CAPN2: variants seen among roughly 807,000 people sequenced by gnomAD.
CAPN2 encodes calpain-2 catalytic subunit.
Under a neutral mutation model 102.3 loss-of-function variants are expected in CAPN2, and 92 were observed. That is an observed-to-expected ratio of 0.90 (90% CI 0.76 to 1.07). The LOEUF (loss-of-function observed/expected upper bound fraction) is 1.07, where lower values mean the gene tolerates loss of function less well. Ranked by LOEUF, CAPN2 falls within the 50% of genes least tolerant of loss-of-function variation. The pLI is 0.00. For synonymous variants in CAPN2, 340 were observed against 355.4 expected (o/e 0.96, Z 0.49); for missense variants, 800 against 909.4 (o/e 0.88, Z 1.55).
intron 18 of CAPN2, 31 bp from the exon 19 acceptor site, chr1:223,771,778 G>T (rs1206609766): frequency 7.7e-7 from 1 of 1,298,208 alleles, no homozygotes; most frequent in South Asian, 1.2e-5. Flanking sequence ...CTAATGCTTA[G>T]CAATGAGTTT....
intron 16 of CAPN2, among the ~76,000 whole-genome samples, chr1:223,766,904 G>A (rs936739908): frequency 2.6e-5 from 4 of 151,796 alleles, no homozygotes; most frequent in Admixed American, 6.6e-5. Context: ...AGGTTGCAGT[G>A]AGCTGAGATC....
At chr1:223,766,487 C>A in intron 16 of CAPN2, 56 bp downstream of exon 16, 1 of 1,325,650 alleles carries the variant, frequency 7.5e-7, no homozygotes, top group Non-Finnish European at 1.1e-6. Context: ...AATCTCACTC[C>A]AGAAAGATTC....
Position 223,725,962 on chromosome 1 carries a change from G to A in CAPN2, c.307+8131G>A, listed in dbSNP as rs1379473205. On this transcript the variant is annotated intron_variant, in intron 2 of 20. Coordinates refer to ENST00000295006, the MANE Select transcript of CAPN2 (RefSeq NM_001748.5). The surrounding 1 kb of genome is among the most constrained non-coding windows in gnomAD (Gnocchi z 4.1). ...AACTTTAAGACTATGTGACAGAAAGGTGCCACTGGAACCCAGGGCCTCGTG... is the reference window on the plus strand; with the variant it reads ...AACTTTAAGACTATGTGACAGAAAGATGCCACTGGAACCCAGGGCCTCGTG... Among the ~76,000 whole-genome samples, 2 of 152,066 alleles carry A rather than the reference G, an allele frequency of 1.3e-5. No individual in the cohort carries two copies. The highest frequency in any genetic ancestry group is 2.9e-5 in the Non-Finnish European group (2 of 68,028).
intron 2 of CAPN2, among the ~76,000 whole-genome samples, chr1:223,722,341 G>A (rs947432681): frequency 5.0e-5 from 6 of 120,330 alleles, no homozygotes; most frequent in African/African-American, 6.5e-5. Flanking sequence ...AGACTAAAGT[G>A]CAGTAACAAA....
rs57382658 is a variant in CAPN2 at position 223,730,010 on chromosome 1, C to CAAA, written c.307+12202_307+12204dup. Among the ~76,000 whole-genome samples the CAAA allele has an allele frequency of 2.5e-3, 199 of 79,052 alleles. 1 individual carries two copies. In the East Asian group the frequency reaches 0.038, roughly 15 times the overall value. The allele number at this position is 79,052 out of a possible 152,430, so 51.9% of individuals were successfully genotyped here. A position where few individuals can be genotyped will look rare whatever the true frequency, so the allele number is the denominator to read the frequency against. On this transcript the variant is annotated intron_variant, in intron 2 of 20. Coordinates refer to ENST00000295006, the MANE Select transcript of CAPN2 (RefSeq NM_001748.5). ...AGAGCAAGACTCGCTCCCAAAAAAC[C>CAAA]AAAAAAAAAAAAAAAAAAAAAAAAA...
At position 223,774,166 on chromosome 1, in the gene CAPN2, TC is replaced by T. The variant is rs566417998; in HGVS notation, c.2080-666del. On this transcript the variant is annotated intron_variant, in intron 20 of 20. Coordinates refer to ENST00000295006, the MANE Select transcript of CAPN2 (RefSeq NM_001748.5). ...TTCTACCCCAGCCACCCACCCCCAC[TC>T]CAGGGTCCACCTGGCCTGCCTGCTC... 3.7e-4 allele frequency among the ~76,000 whole-genome samples: 49 copies of T among 133,434 alleles called. 2 individuals carry two copies. The South Asian group carries it at 6.3e-3, about 17-fold the overall frequency. 87.5% of individuals were successfully genotyped at this position (133,434 alleles called of 152,430 possible).
chr1:223,749,031 G>C lies in CAPN2; in HGVS notation c.730-8G>C, dbSNP rs768202916. On this transcript the variant is annotated splice_polypyrimidine_tract_variant and splice_region_variant and intron_variant, in intron 5 of 20. Coordinates refer to ENST00000295006, the MANE Select transcript of CAPN2 (RefSeq NM_001748.5). ...GTGCGGCCAGTCTGACGGTTGCTGT[G>C]TTTGCAGATCACCAGCGCCGCGGAC... is the stretch of plus-strand genomic sequence containing the variant. The C allele has an allele frequency of 6.2e-7, 1 of 1,613,370 alleles. No homozygotes were observed. Among genetic ancestry groups the C allele is most frequent in the South Asian group, 1.1e-5 (1 of 91,056 alleles).
rs945729803 is a variant in CAPN2, at chr1:223,772,316, C to G, written c.2079+77C>G. ...CGGAAAGGGCTGTTACTTGAGTGAT[C>G]TGCTTTTTCAAGTTTTGCTTTAAAG... On this transcript the variant is annotated intron_variant, in intron 20 of 20. Transcript: ENST00000295006. 8.4e-6 allele frequency: 11 copies of G among 1,308,378 alleles called. No homozygotes were observed. In the East Asian group the frequency reaches 2.6e-4, roughly 30 times the overall value. The allele number at this position is 1,308,378 out of a possible 1,614,324, so 81.0% of individuals were successfully genotyped here. A position where few individuals can be genotyped will look rare whatever the true frequency, so the allele number is the denominator to read the frequency against.
At chr1:223,765,490 GCCT>G (rs1460703308) in intron 15 of CAPN2, among the ~76,000 whole-genome samples, 1 of 152,236 alleles carries the variant, frequency 6.6e-6, no homozygotes, top group Admixed American at 6.5e-5. Context: ...GGAGACTAAA[GCCT>G]CATTGTTTCT....
In CAPN2 at chr1:223,712,661, G is replaced by C. The variant is rs776928489; in HGVS notation, c.21G>C (p.Lys7Asn). 6 of 1,538,662 alleles carry C rather than the reference G, an allele frequency of 3.9e-6. No homozygotes were observed. The African/African-American group carries it at 8.4e-5, about 22-fold the overall frequency. Residue 7 changes from lysine to asparagine, a missense_variant, in exon 1 of 21, where the codon AAG (lysine) becomes AAC (asparagine). Transcript: ENST00000295006. MAGIAAKLAKDREAAEG... is the reference protein window; with the variant it reads MAGIAANLAKDREAAEG... ...GCAGCATGGCGGGCATCGCGGCCAA[G>C]CTGGCGAAGGACCGGGAGGCGGCCG...
intron 17 of CAPN2, chr1:223,770,213 A>G (rs1434152917): frequency 1.7e-6 from 1 of 588,706 alleles, no homozygotes; most frequent in Non-Finnish European, 3.0e-6. Context: ...ATAAGACAAG[A>G]ACATGGACCT....
chr1:223,740,968 T>C (rs879659773), intron 2 of CAPN2, among the ~76,000 whole-genome samples: 2 of 152,202 alleles, frequency 1.3e-5, no homozygotes, highest in African/African-American at 2.4e-5. Context: ...AGCCACTAAT[T>C]AGCTAGGAGC....
At chr1:223,713,978 T>A (rs1659807503) in intron 1 of CAPN2, among the ~76,000 whole-genome samples, 1 of 152,228 alleles carries the variant, frequency 6.6e-6, no homozygotes, top group Admixed American at 6.5e-5. Context: ...CGTCATGGCC[T>A]CCTTTCAGTC....
At chr1:223,739,575 C>G (rs1221888095) in intron 2 of CAPN2, among the ~76,000 whole-genome samples, 1 of 152,098 alleles carries the variant, frequency 6.6e-6, no homozygotes, top group African/African-American at 2.4e-5. Flanking sequence ...TTTGCTTGTG[C>G]CAAGTGCACT....
intron 20 of CAPN2, chr1:223,773,319 G>A (rs1661529628): frequency 6.6e-6 from 1 of 152,208 alleles, no homozygotes; most frequent in Non-Finnish European, 1.5e-5. Flanking sequence ...CACTTTGGGA[G>A]GCCAAGGCAG....
At chr1:223,711,992 A>C (rs571562072), upstream of CAPN2, among the ~76,000 whole-genome samples, 2 of 152,340 alleles carry the variant, frequency 1.3e-5, no homozygotes, top group South Asian at 4.1e-4. Flanking sequence ...CCGGTGGCTT[A>C]GAGTCCCTGT....
Position 223,775,299 on chromosome 1 carries a change from T to G in CAPN2, c.*442T>G, listed in dbSNP as rs1173218196. ...TCAAGTTTAAAATGCAGCTGTTGAT[T>G]CTACCAAACAACAGTCCAAGATTAC... On this transcript the variant is annotated 3_prime_UTR_variant, in exon 21 of 21. Coordinates refer to ENST00000295006, the MANE Select transcript of CAPN2 (RefSeq NM_001748.5). The G allele has an allele frequency of 5.9e-6, 1 of 168,288 alleles. No homozygotes were observed. Among genetic ancestry groups the G allele is most frequent in the African/African-American group, 2.4e-5 (1 of 41,602 alleles). 10.4% of individuals were successfully genotyped at this position (168,288 alleles called of 1,614,324 possible).
At position 223,752,095 on chromosome 1, in the gene CAPN2, G is replaced by A. The variant is rs1488829773; in HGVS notation, c.974+24G>A. The A allele has an allele frequency of 7.8e-6, 12 of 1,536,326 alleles. No individual in the cohort carries two copies. The African/African-American group carries it at 1.5e-4, about 19-fold the overall frequency. ...TGGTAAGATTAGTGGAGGCTTCAGGGAAAGCTCTGTCTGCCCCAATGTTCT... is the reference window on the plus strand; with the variant it reads ...TGGTAAGATTAGTGGAGGCTTCAGGAAAAGCTCTGTCTGCCCCAATGTTCT... On this transcript the variant is annotated intron_variant, in intron 8 of 20. Transcript: ENST00000295006.
chr1:223,719,986 C>T (rs888700446), intron 2 of CAPN2, among the ~76,000 whole-genome samples: 2 of 152,178 alleles, frequency 1.3e-5, no homozygotes, highest in African/African-American at 4.8e-5. Flanking sequence ...GGGCCTTGAC[C>T]TTCACCAAAT....
Sources: gnomAD v4.1 joint callset for allele counts (sites outside exome capture counted in the v4.1 genomes callset) on GRCh38, gnomAD v4.1.1 for gene constraint, Gnocchi (gnomAD v3.1) non-coding constraint, MANE v1.5 for transcripts, NCBI Gene and HGNC (gene_info 2026-07-23, HGNC 2026-07-21) for gene names.